Variants in SLC7A5 observed in about 807,000 individuals in gnomAD.
The protein encoded by SLC7A5 is solute carrier family 7 member 5, also known as large neutral amino acids transporter small subunit 1.
A neutral mutation model predicts 50.2 loss-of-function variants in SLC7A5; 23 were observed. The ratio of observed to expected loss-of-function variants is 0.46; its 90% CI spans 0.33 to 0.65. The LOEUF is 0.65. Ranked by LOEUF, SLC7A5 falls within the 30% of genes least tolerant of loss-of-function variation. The pLI, the probability that SLC7A5 is intolerant of heterozygous loss-of-function variation, is 0.02. For synonymous variants in SLC7A5, 393 were observed against 330.6 expected (o/e 1.19, Z -2.05); for missense variants, 578 against 684.4 (o/e 0.84, Z 1.73).
At chr16:87,848,377 C>T (rs571508903) in intron 2 of SLC7A5, among the ~76,000 whole-genome samples, 3 of 152,364 alleles carry the variant, frequency 2.0e-5, no homozygotes, top group South Asian at 4.1e-4. Flanking sequence ...CCTGTGCCCT[C>T]GCTCCCACCC....
chr16:87,840,577 G>A (rs1215250273), intron 3 of SLC7A5, 104 bp from the exon 4 acceptor site: 41 of 966,954 alleles, frequency 4.2e-5, no homozygotes, highest in Admixed American at 7.1e-5. Flanking sequence ...GCCCCCCGGT[G>A]GTCTGCTCGC....
rs184002179 is a variant in SLC7A5 at position 87,848,240 on chromosome 16, T to C, written c.664+3484A>G. 3.0e-3 allele frequency among the ~76,000 whole-genome samples: 453 copies of C among 152,298 alleles called. 1 individual carries two copies. Among genetic ancestry groups the C allele is most frequent in the African/African-American group, 0.01 (432 of 41,556 alleles). On this transcript the variant is annotated intron_variant, in intron 2 of 9. Coordinates refer to ENST00000261622, the MANE Select transcript of SLC7A5 (RefSeq NM_003486.7). ...TTTTTAAATCTGCCCAACTATCCAA[T>C]CTGTAACTGTTCAAGGAGAGATTAG...
Position 87,869,193 on chromosome 16 carries a change from T to C in SLC7A5, c.230A>G (p.Lys77Arg), listed in dbSNP as rs750028158. 3.1e-6 allele frequency: 5 copies of C among 1,612,576 alleles called. No individual in the cohort carries two copies. The highest frequency in any genetic ancestry group is 3.4e-6 in the Non-Finnish European group (4 of 1,179,832). ...CGCCAGCCCCGGCGAGCCTGCCTCC[T>C]TGAGCACGCCCGTGGGCGTCACGAA... ...GIFVTPTGVL[K>R]EAGSPGLALV... The change falls in exon 1 of 10, where the codon AAG (lysine) becomes AGG (arginine). Residue 77 changes from lysine to arginine, a missense_variant. By Grantham distance (26) the Lys-to-Arg change is conservative. This residue lies in a region of SLC7A5 where 465 missense variants were observed against 594.6 expected (regional missense o/e 0.78). Transcript: ENST00000261622.
In SLC7A5 at chr16:87,851,852, G is replaced by GT; in HGVS notation, c.539-4dup. ...GCAGTTCACGGCCGTGAGCAGCACTGTGGAGACAGAGGGCAGCGGTGAGTT... is the reference window on the plus strand; with the variant it reads ...GCAGTTCACGGCCGTGAGCAGCACTGTTGGAGACAGAGGGCAGCGGTGAGTT... On this transcript the variant is annotated splice_region_variant and splice_polypyrimidine_tract_variant and intron_variant, in intron 1 of 9. Transcript: ENST00000261622. 1 of 1,612,952 alleles carries GT rather than the reference G, an allele frequency of 6.2e-7. No homozygotes were observed. The highest frequency in any genetic ancestry group is 8.5e-7 in the Non-Finnish European group (1 of 1,179,958).
In SLC7A5 at chr16:87,861,072, C is replaced by T. The variant is rs2055391876; in HGVS notation, c.538+7813G>A. On this transcript the variant is annotated intron_variant, in intron 1 of 9. Transcript: ENST00000261622. This position sits in a 1 kb window ranked among gnomAD's most constrained non-coding sequence, Gnocchi z 4.2. ...GGAAGAGGGTGCTGCCACAGGGCCT[C>T]TGGGGAGCGTGCGGGCACACAGTAC... Among the ~76,000 whole-genome samples, 1 of 152,192 alleles carries T rather than the reference C, an allele frequency of 6.6e-6. No individual in the cohort carries two copies. Among genetic ancestry groups the T allele is most frequent in the Non-Finnish European group, 1.5e-5 (1 of 68,028 alleles).
At chr16:87,843,276 A>G (rs988226470) in intron 2 of SLC7A5, among the ~76,000 whole-genome samples, 32 of 148,638 alleles carry the variant, frequency 2.2e-4, no homozygotes, top group African/African-American at 7.2e-4. Flanking sequence ...TAAGGACAAT[A>G]TACCGAGGCT....
chr16:87,843,706 G>A (rs57455079), intron 2 of SLC7A5, among the ~76,000 whole-genome samples: 52,996 of 151,884 alleles, frequency 0.35, 10,570 homozygotes, highest in South Asian at 0.57. Flanking sequence ...ACGGCGGGGT[G>A]CGGCGCTACT....
rs573071461 is a variant in SLC7A5, at chr16:87,860,891, G to C, written c.538+7994C>G. ...CCCACCTGGGGTGGTCTGACGGCCA[G>C]GGATGCAGGGAGAGACGCCTCCCAC... On this transcript the variant is annotated intron_variant, in intron 1 of 9. Transcript: ENST00000261622. The surrounding 1 kb of genome is among the most constrained non-coding windows in gnomAD (Gnocchi z 4.8). 6.6e-6 allele frequency among the ~76,000 whole-genome samples: 1 copy of C among 152,220 alleles called. No homozygotes were observed. The highest frequency in any genetic ancestry group is 2.4e-5 in the African/African-American group (1 of 41,466).
Position 87,831,102 on chromosome 16 carries a change from T to A in SLC7A5, c.*1868A>T, listed in dbSNP as rs1201674932. 2.6e-5 allele frequency: 4 copies of A among 152,078 alleles called. No individual in the cohort carries two copies. 9.4% of individuals were successfully genotyped at this position (152,078 alleles called of 1,614,324 possible). On this transcript the variant is annotated 3_prime_UTR_variant, in exon 10 of 10. Transcript: ENST00000261622. ...GGTGGGGCACCAGCTGCTGTCCTTA[T>A]TTGCAGCCAAGAGAACAGGCCCAGA...
In SLC7A5 at chr16:87,834,401, G is replaced by C. The variant is rs1421781709; in HGVS notation, c.1468+13C>G. On this transcript the variant is annotated intron_variant, in intron 9 of 9. Transcript: ENST00000261622. ...AGAGGGTACCACGGGCTGTGGGCCA[G>C]CGAGATACTCACAGATGCCCTGGAG... 6.4e-7 allele frequency: 1 copy of C among 1,551,756 alleles called. No individual in the cohort carries two copies. Among genetic ancestry groups the C allele is most frequent in the Non-Finnish European group, 8.7e-7 (1 of 1,147,324 alleles).
intron 7 of SLC7A5, among the ~76,000 whole-genome samples, chr16:87,837,204 T>G (rs73251328): frequency 0.018 from 2,753 of 152,312 alleles, 66 homozygotes; most frequent in African/African-American, 0.062. Flanking sequence ...TCCTCTGCTG[T>G]ATCTCACTGG....
chr16:87,842,854 T>C (rs932085403), intron 2 of SLC7A5, among the ~76,000 whole-genome samples: 1 of 117,908 alleles, frequency 8.5e-6, no homozygotes, highest in Admixed American at 9.1e-5. Context: ...ACAGGGCACT[T>C]TGCACAGCAC....
rs2055006356 is a variant in SLC7A5, at chr16:87,836,561, G to A, written c.1227C>T (p.Ala409=). The A allele has an allele frequency of 6.2e-7, 1 of 1,613,654 alleles. No homozygotes were observed. Among genetic ancestry groups the A allele is most frequent in the Non-Finnish European group, 8.5e-7 (1 of 1,180,022 alleles). Residue 409 remains alanine, a synonymous_variant, in exon 8 of 10, where the codon GCC becomes GCT. Transcript: ENST00000261622. ...GCCAGATCATGCCGATGATGGCCAG[G>A]GCCACGCAGAGCCAGTTGAAGAAGC... ...FFSFFNWLCV[A]LAIIGMIWLR...
chr16:87,857,475 C>T (rs2055335920), intron 1 of SLC7A5, among the ~76,000 whole-genome samples: 1 of 152,214 alleles, frequency 6.6e-6, no homozygotes, highest in African/African-American at 2.4e-5. Context: ...TAGAGACAAG[C>T]GTTCACCATG....
intron 2 of SLC7A5, among the ~76,000 whole-genome samples, chr16:87,845,946 G>C (rs965067062): frequency 1.3e-5 from 2 of 152,190 alleles, no homozygotes; most frequent in African/African-American, 4.8e-5. Context: ...CAGAGCCCCA[G>C]CTTCCCCAGC....
chr16:87,859,177 C>A (rs2055357264), intron 1 of SLC7A5, among the ~76,000 whole-genome samples: 1 of 152,242 alleles, frequency 6.6e-6, no homozygotes, highest in African/African-American at 2.4e-5. Flanking sequence ...GCGCCTGGCT[C>A]CGGGCCACAC....
intron 1 of SLC7A5, among the ~76,000 whole-genome samples, chr16:87,857,867 C>A (rs147163098): frequency 2.1e-4 from 32 of 152,362 alleles, no homozygotes; most frequent in African/African-American, 6.7e-4. Flanking sequence ...ACTGTCCTGG[C>A]TGGCACGGGG....
At chr16:87,851,007 G>A (rs2055215583) in intron 2 of SLC7A5, among the ~76,000 whole-genome samples, 2 of 152,144 alleles carry the variant, frequency 1.3e-5, no homozygotes, top group Non-Finnish European at 2.9e-5. Context: ...CCTTCTACCA[G>A]CCCCAAGAGA....
At chr16:87,850,224 C>G (rs1468693466) in intron 2 of SLC7A5, among the ~76,000 whole-genome samples, 1 of 152,222 alleles carries the variant, frequency 6.6e-6, no homozygotes, top group Non-Finnish European at 1.5e-5. Flanking sequence ...GGGCACTGTT[C>G]AGTTCACAGC....
Sources: gnomAD v4.1 joint callset for allele counts (sites outside exome capture counted in the v4.1 genomes callset) on GRCh38, gnomAD v4.1.1 for gene constraint, gnomAD v4.1.1 regional missense constraint, Gnocchi (gnomAD v3.1) non-coding constraint, MANE v1.5 for transcripts, NCBI Gene and HGNC (gene_info 2026-07-23, HGNC 2026-07-21) for gene names.